The following COLGALT2 variants were observed in gnomAD, a reference collection of about 807,000 sequenced individuals.
The protein encoded by COLGALT2 is procollagen galactosyltransferase 2.
Under a neutral mutation model 73.4 loss-of-function variants are expected in COLGALT2, and 49 were observed. The ratio of observed to expected loss-of-function variants is 0.67; its 90% CI spans 0.53 to 0.85. The LOEUF (loss-of-function observed/expected upper bound fraction) is 0.85. Ranked by LOEUF, COLGALT2 falls within the 40% of genes least tolerant of loss-of-function variation. COLGALT2 has a pLI of 0.00. For missense variants in COLGALT2, 722 were observed against 790.2 expected, an observed-to-expected ratio of 0.91 and a Z score of 1.03; for synonymous variants, 295 against 307.6, an observed-to-expected ratio of 0.96 and a Z score of 0.43.
downstream of COLGALT2, among the ~76,000 whole-genome samples, chr1:183,931,500 G>C (rs888073406): frequency 2.0e-5 from 3 of 152,110 alleles, no homozygotes; most frequent in African/African-American, 7.2e-5. Context: ...TGTAGTCTCG[G>C]GTGTTCCCCG....
chr1:184,030,944 A>G (rs1308194547), intron 1 of COLGALT2, among the ~76,000 whole-genome samples: 12 of 152,210 alleles, frequency 7.9e-5, no homozygotes, highest in Non-Finnish European at 1.5e-4. Context: ...ATGGAACTCA[A>G]TATAATAAAA....
Position 183,936,305 on chromosome 1 carries a change from T to A in COLGALT2, c.*2456A>T. On this transcript the variant is annotated 3_prime_UTR_variant, in exon 12 of 12. Transcript: ENST00000361927. ...AGGAACCTCTGGATTGCTGAAGAGA[T>A]GACTTTAAAAAAAAAGTCACATCTG... is the stretch of plus-strand genomic sequence containing the variant. 1 of 985,496 alleles carries A rather than the reference T, an allele frequency of 1.0e-6. No individual in the cohort carries two copies. Among genetic ancestry groups the A allele is most frequent in the Non-Finnish European group, 1.2e-6 (1 of 829,856 alleles). The allele number at this position is 985,496 out of a possible 1,614,324, so 61.0% of individuals were successfully genotyped here.
intron 1 of COLGALT2, among the ~76,000 whole-genome samples, chr1:184,003,609 G>T (rs1257364121): frequency 1.3e-5 from 2 of 152,166 alleles, no homozygotes; most frequent in Non-Finnish European, 2.9e-5. Context: ...TGCCCTTTAT[G>T]AATTTCCAAA....
chr1:183,950,177 C>T (rs920635334), intron 8 of COLGALT2, among the ~76,000 whole-genome samples: 7 of 152,158 alleles, frequency 4.6e-5, no homozygotes, highest in African/African-American at 1.4e-4. Context: ...GGTCCAGCCT[C>T]AGAGAGCATA....
intron 1 of COLGALT2, among the ~76,000 whole-genome samples, chr1:184,001,334 T>C (rs1157283507): frequency 6.6e-6 from 1 of 152,184 alleles, no homozygotes; most frequent in African/African-American, 2.4e-5. Flanking sequence ...TTTATTCTGC[T>C]TGAGATTCAT....
chr1:183,937,884 G>A lies in COLGALT2; in HGVS notation c.*877C>T, dbSNP rs901688811. On this transcript the variant is annotated 3_prime_UTR_variant, in exon 12 of 12. Coordinates refer to ENST00000361927, the MANE Select transcript of COLGALT2 (RefSeq NM_015101.4). ...CTGCGGTGGGTTCCCAGGCTAAGGGGTGGAGCGGAGAGCGTGAAGCTCTGT... is the reference window on the plus strand; with the variant it reads ...CTGCGGTGGGTTCCCAGGCTAAGGGATGGAGCGGAGAGCGTGAAGCTCTGT... 1 of 985,324 alleles carries A rather than the reference G, an allele frequency of 1.0e-6. No homozygotes were observed. Among genetic ancestry groups the A allele is most frequent in the African/African-American group, 1.7e-5 (1 of 57,234 alleles). The allele number at this position is 985,324 out of a possible 1,614,324, so 61.0% of individuals were successfully genotyped here.
At chr1:184,010,536 A>G (rs1672206632) in intron 1 of COLGALT2, among the ~76,000 whole-genome samples, 2 of 152,190 alleles carry the variant, frequency 1.3e-5, no homozygotes, top group Admixed American at 1.3e-4. Flanking sequence ...GAGGCAAATA[A>G]TATGTTTTCT....
At chr1:183,998,851 A>G (rs1313121031) in intron 1 of COLGALT2, among the ~76,000 whole-genome samples, 2 of 152,052 alleles carry the variant, frequency 1.3e-5, no homozygotes, top group Non-Finnish European at 2.9e-5. Flanking sequence ...ATAAATGAGT[A>G]TCTGTTAGAT....
chr1:183,983,425 C>T (rs1475896299), intron 1 of COLGALT2, among the ~76,000 whole-genome samples: 1 of 152,194 alleles, frequency 6.6e-6, no homozygotes, highest in African/African-American at 2.4e-5. Flanking sequence ...GCCTTGTAAT[C>T]GCTCTGACAA....
At chr1:184,017,240 T>G (rs1649029808) in intron 1 of COLGALT2, among the ~76,000 whole-genome samples, 1 of 152,242 alleles carries the variant, frequency 6.6e-6, no homozygotes, top group Non-Finnish European at 1.5e-5. Flanking sequence ...GAAATGCATC[T>G]GATGTACTTA....
intron 1 of COLGALT2, among the ~76,000 whole-genome samples, chr1:183,981,992 T>C (rs1245399979): frequency 1.3e-5 from 2 of 151,662 alleles, no homozygotes; most frequent in Admixed American, 6.6e-5. Flanking sequence ...GTAAAATAGA[T>C]ACTTAAATTA....
At chr1:184,025,140 T>C (rs988680129) in intron 1 of COLGALT2, among the ~76,000 whole-genome samples, 2 of 152,246 alleles carry the variant, frequency 1.3e-5, no homozygotes, top group Admixed American at 1.3e-4. Context: ...TGGCAGAATG[T>C]AACCTAATCT....
At chr1:184,035,155 A>G (rs1008787797) in intron 1 of COLGALT2, among the ~76,000 whole-genome samples, 11 of 150,222 alleles carry the variant, frequency 7.3e-5, no homozygotes, top group Non-Finnish European at 1.6e-4. Context: ...ACCAGTGTCC[A>G]TACCATCTGG....
At chr1:183,955,522 A>G (rs1003726804) in intron 6 of COLGALT2, among the ~76,000 whole-genome samples, 1 of 152,192 alleles carries the variant, frequency 6.6e-6, no homozygotes, top group Non-Finnish European at 1.5e-5. Flanking sequence ...TAATGGGAAG[A>G]TTCCAGCTGG....
intron 1 of COLGALT2, among the ~76,000 whole-genome samples, chr1:184,009,274 A>T (rs1672170342): frequency 6.6e-6 from 1 of 152,342 alleles, no homozygotes; most frequent in Admixed American, 6.5e-5. Context: ...AAGAACAACA[A>T]AATTTTCCTT....
chr1:183,935,566 T>G (rs1465054786), downstream of COLGALT2, among the ~76,000 whole-genome samples: 1 of 152,252 alleles, frequency 6.6e-6, no homozygotes, highest in Non-Finnish European at 1.5e-5. Context: ...AAATGCAAGA[T>G]GGACACCTCC....
chr1:184,028,684 A>C (rs1378764848), intron 1 of COLGALT2, among the ~76,000 whole-genome samples: 3 of 152,196 alleles, frequency 2.0e-5, no homozygotes, highest in African/African-American at 7.2e-5. Flanking sequence ...TCAGCTCAGC[A>C]GCTTGTCCCA....
chr1:184,035,549 T>C (rs1649645345), intron 1 of COLGALT2, among the ~76,000 whole-genome samples: 1 of 152,216 alleles, frequency 6.6e-6, no homozygotes, highest in East Asian at 1.9e-4. Flanking sequence ...AGCATCCTCT[T>C]AAAAGTTTAC....
At chr1:184,025,724 A>G (rs938264553) in intron 1 of COLGALT2, among the ~76,000 whole-genome samples, 1 of 152,136 alleles carries the variant, frequency 6.6e-6, no homozygotes, top group African/African-American at 2.4e-5. Flanking sequence ...AGGAGACAAC[A>G]CTCTTAGCAA....
Sources: allele counts gnomAD v4.1 joint callset (sites outside exome capture counted in the v4.1 genomes callset), GRCh38; gene constraint gnomAD v4.1.1; transcripts MANE v1.5; gene names NCBI Gene and HGNC (gene_info 2026-07-23, HGNC 2026-07-21).